Variants in SH3RF1 observed in about 807,000 individuals in gnomAD.
SH3RF1 encodes SH3 domain containing ring finger 1.
Under a neutral mutation model 74.0 loss-of-function variants are expected in SH3RF1, and 32 were observed. That is an observed-to-expected ratio of 0.43 (90% confidence interval 0.33 to 0.58). The LOEUF (loss-of-function observed/expected upper bound fraction) is 0.58. SH3RF1 is among the 20% of genes least tolerant of loss of function. The probability of loss-of-function intolerance (pLI) is 0.05; values close to 1 mark genes in which losing one functional copy is unlikely to be tolerated. For missense variants in SH3RF1, 954 were observed against 1,130.9 expected (o/e 0.84, Z 2.24); for synonymous variants, 396 against 439.6 (o/e 0.90, Z 1.24).
intron 11 of SH3RF1, among the ~76,000 whole-genome samples, chr4:169,101,639 T>C (rs1733036582): frequency 1.7e-5 from 2 of 118,358 alleles, no homozygotes; most frequent in East Asian, 2.4e-4. Flanking sequence ...AAATAAGATA[T>C]ATGAATGAAT....
intron 10 of SH3RF1, among the ~76,000 whole-genome samples, chr4:169,107,926 T>A (rs1733173783): frequency 6.6e-6 from 1 of 152,172 alleles, no homozygotes; most frequent in South Asian, 2.1e-4. Flanking sequence ...TTTCTCTTTT[T>A]GCAAGCAAAT....
intron 2 of SH3RF1, among the ~76,000 whole-genome samples, chr4:169,215,762 G>A (rs537173515): frequency 6.6e-6 from 1 of 151,882 alleles, no homozygotes; most frequent in African/African-American, 2.4e-5. Flanking sequence ...TAATAGTCAA[G>A]TAATGTATTT....
At chr4:169,132,790 C>G (rs565399317) in intron 5 of SH3RF1, among the ~76,000 whole-genome samples, 1 of 152,284 alleles carries the variant, frequency 6.6e-6, no homozygotes, top group Admixed American at 6.5e-5. Flanking sequence ...AATCACTCCT[C>G]TGGAGGCCAA....
intron 2 of SH3RF1, among the ~76,000 whole-genome samples, chr4:169,181,376 C>T (rs1007925992): frequency 6.6e-6 from 1 of 151,198 alleles, no homozygotes; most frequent in African/African-American, 2.4e-5. Flanking sequence ...GATTCTCCTG[C>T]CTCAGCCTCC....
At chr4:169,097,978 T>C (rs1216451838) in intron 11 of SH3RF1, among the ~76,000 whole-genome samples, 2 of 152,192 alleles carry the variant, frequency 1.3e-5, no homozygotes, top group African/African-American at 4.8e-5. Flanking sequence ...CCAGAAAAAG[T>C]GATGTGAATA....
chr4:169,228,515 C>T (rs527533610), intron 2 of SH3RF1, among the ~76,000 whole-genome samples: 1 of 152,278 alleles, frequency 6.6e-6, no homozygotes, highest in Non-Finnish European at 1.5e-5. Flanking sequence ...TTCCTCATCA[C>T]ATAACATCAC....
intron 2 of SH3RF1, chr4:169,204,238 G>A (rs1402725540): frequency 6.6e-6 from 1 of 152,116 alleles, no homozygotes; most frequent in African/African-American, 2.4e-5. Flanking sequence ...GCTTCCCAAA[G>A]GTTCCGAGTA....
chr4:169,240,119 T>A (rs943347562), intron 2 of SH3RF1, among the ~76,000 whole-genome samples: 1 of 152,146 alleles, frequency 6.6e-6, no homozygotes, highest in Non-Finnish European at 1.5e-5. Flanking sequence ...CACCAAGGTA[T>A]TTCTTAAAAT....
chr4:169,184,419 G>A (rs1282518078), intron 2 of SH3RF1, among the ~76,000 whole-genome samples: 1 of 152,218 alleles, frequency 6.6e-6, no homozygotes, highest in Non-Finnish European at 1.5e-5. Context: ...TAACCAACAT[G>A]GGCTGTGAAG....
intron 2 of SH3RF1, among the ~76,000 whole-genome samples, chr4:169,243,067 C>T (rs1003078700): frequency 2.0e-5 from 3 of 152,174 alleles, no homozygotes; most frequent in Non-Finnish European, 4.4e-5. Flanking sequence ...TCTTCAAACC[C>T]CTTCTCCCAA....
intron 2 of SH3RF1, among the ~76,000 whole-genome samples, chr4:169,173,608 T>C (rs1030494260): frequency 1.3e-5 from 2 of 152,144 alleles, no homozygotes; most frequent in African/African-American, 4.8e-5. Flanking sequence ...CCTGAGGCGC[T>C]GTAGATCCTG....
intron 2 of SH3RF1, among the ~76,000 whole-genome samples, chr4:169,196,591 C>G (rs1345501220): frequency 1.3e-5 from 2 of 152,182 alleles, no homozygotes; most frequent in African/African-American, 4.8e-5. Context: ...TCACCTTAAT[C>G]TAATTTCAGG....
intron 2 of SH3RF1, among the ~76,000 whole-genome samples, chr4:169,159,700 A>C (rs1579112618): frequency 6.6e-6 from 1 of 152,350 alleles, no homozygotes; most frequent in East Asian, 1.9e-4. Context: ...ATCATTACCC[A>C]GTGTAAAAAG....
chr4:169,103,137 C>G (rs1449452094), intron 11 of SH3RF1, among the ~76,000 whole-genome samples: 3 of 138,550 alleles, frequency 2.2e-5, no homozygotes, highest in Non-Finnish European at 4.6e-5. Flanking sequence ...GGGGTTTCAC[C>G]ATCTTGGTCA....
At chr4:169,114,534 A>G (rs1383791593) in intron 10 of SH3RF1, among the ~76,000 whole-genome samples, 1 of 152,218 alleles carries the variant, frequency 6.6e-6, no homozygotes, top group Non-Finnish European at 1.5e-5. Context: ...GTCTATCACA[A>G]GTACCTTTCA....
intron 5 of SH3RF1, among the ~76,000 whole-genome samples, chr4:169,133,110 G>A (rs1282950176): frequency 6.6e-6 from 1 of 152,068 alleles, no homozygotes; most frequent in Non-Finnish European, 1.5e-5. Context: ...TAGAAACCAG[G>A]GCATAAGGAC....
At chr4:169,147,473 G>T (rs918739234) in intron 4 of SH3RF1, among the ~76,000 whole-genome samples, 4 of 152,310 alleles carry the variant, frequency 2.6e-5, no homozygotes, top group African/African-American at 7.2e-5. Context: ...GGATGTGCAT[G>T]GGGGCAGGGT....
At chr4:169,139,001 A>C (rs556876544) in intron 4 of SH3RF1, among the ~76,000 whole-genome samples, 1 of 152,290 alleles carries the variant, frequency 6.6e-6, no homozygotes, top group African/African-American at 2.4e-5. Flanking sequence ...GCCCTGGCTG[A>C]AGTGCAGTGG....
Position 169,096,624 on chromosome 4 carries a change from A to G in SH3RF1, c.2562T>C (p.Asp854=). The G allele has an allele frequency of 6.2e-7, 1 of 1,614,128 alleles. No individual in the cohort carries two copies. The highest frequency in any genetic ancestry group is 2.2e-5 in the East Asian group (1 of 44,874). The change falls in exon 12 of 12, where the codon GAT becomes GAC. Residue 854 remains aspartate (D), a synonymous_variant. Transcript: ENST00000284637. ...CTCGTTTTTTATGAACAAACACAATATCTCCTTCTTTAAGTTCAAGTTCTG... is the reference window on the plus strand; with the variant it reads ...CTCGTTTTTTATGAACAAACACAATGTCTCCTTCTTTAAGTTCAAGTTCTG... ...SEAELELKEG[D]IVFVHKKRED...
Sources: allele counts gnomAD v4.1 joint callset (sites outside exome capture counted in the v4.1 genomes callset), GRCh38; gene constraint gnomAD v4.1.1; transcripts MANE v1.5; gene names NCBI Gene and HGNC (gene_info 2026-07-23, HGNC 2026-07-21).